The following PI4KA variants were observed in gnomAD, a reference collection of about 807,000 sequenced individuals.
PI4KA encodes phosphatidylinositol 4-kinase alpha.
Under a neutral mutation model 271.4 loss-of-function variants are expected in PI4KA, and 122 were observed. The observed-to-expected ratio is 0.45, with a 90% CI of 0.39 to 0.52. PI4KA has a LOEUF of 0.52. Ranked by LOEUF, PI4KA falls within the 20% of genes least tolerant of loss-of-function variation. The probability of loss-of-function intolerance (pLI) is 0.00; values close to 1 mark genes in which losing one functional copy is unlikely to be tolerated. For synonymous variants in PI4KA, 1,041 were observed against 1,078.8 expected (o/e 0.96, Z 0.69); for missense variants, 1,969 against 2,769.1 (o/e 0.71, Z 6.48).
intron 9 of PI4KA, among the ~76,000 whole-genome samples, chr22:20,807,731 G>A (rs1010955594): frequency 3.9e-5 from 6 of 152,268 alleles, no homozygotes; most frequent in African/African-American, 9.6e-5. Context: ...TGTGGCTGAA[G>A]CTCACCATCT....
Position 20,805,032 on chromosome 22 carries a change from G to C in PI4KA, c.1302C>G (p.Arg434=). Residue 434 remains arginine, a synonymous_variant, in exon 11 of 55, where the codon CGC becomes CGG. Coordinates refer to ENST00000255882, the MANE Select transcript of PI4KA (RefSeq NM_058004.4). ...IHNELSPLKL[R]CQANAACVDL... ...CCACACAGGCAGCATTCGCCTGACAGCGCAGTTTGAGGGGGCTCAGCTCAT... is the reference window on the plus strand; with the variant it reads ...CCACACAGGCAGCATTCGCCTGACACCGCAGTTTGAGGGGGCTCAGCTCAT... 1 of 1,614,176 alleles carries C rather than the reference G, an allele frequency of 6.2e-7. No homozygotes were observed. Among genetic ancestry groups the C allele is most frequent in the Non-Finnish European group, 8.5e-7 (1 of 1,180,000 alleles).
At chr22:20,795,699 A>G (rs1934940146) in intron 18 of PI4KA, among the ~76,000 whole-genome samples, 1 of 152,184 alleles carries the variant, frequency 6.6e-6, no homozygotes, top group South Asian at 2.1e-4. Flanking sequence ...GATTCAAGAC[A>G]TGACGTTTAT....
At chr22:20,719,262 T>TA (rs1475656295) in intron 43 of PI4KA, among the ~76,000 whole-genome samples, 1 of 151,982 alleles carries the variant, frequency 6.6e-6, no homozygotes, top group East Asian at 1.9e-4. Flanking sequence ...TTTTTTTTAA[T>TA]AGAGGCACAC....
intron 32 of PI4KA, among the ~76,000 whole-genome samples, chr22:20,735,364 G>A (rs1928586163): frequency 6.7e-6 from 1 of 150,108 alleles, no homozygotes; most frequent in Non-Finnish European, 1.5e-5. Flanking sequence ...CCTGTGCAGA[G>A]GTGGCAACGA....
intron 22 of PI4KA, 110 bp downstream of exon 22, chr22:20,764,707 T>C (rs867656449): frequency 5.0e-6 from 6 of 1,209,212 alleles, no homozygotes; most frequent in Middle Eastern, 4.1e-4. Flanking sequence ...TTCAGAAAGT[T>C]TGCATGTCTT....
chr22:20,828,720 A>C (rs779955746), intron 3 of PI4KA, among the ~76,000 whole-genome samples: 8 of 151,338 alleles, frequency 5.3e-5, no homozygotes, highest in Non-Finnish European at 7.4e-5. Flanking sequence ...ATGCCTGGCT[A>C]ATTTTTTGTA....
intron 1 of PI4KA, among the ~76,000 whole-genome samples, chr22:20,843,853 T>C (rs1489613516): frequency 6.6e-6 from 1 of 152,194 alleles, no homozygotes; most frequent in African/African-American, 2.4e-5. Flanking sequence ...CATTGCCCAA[T>C]GAACACTCAG....
intron 7 of PI4KA, among the ~76,000 whole-genome samples, chr22:20,818,239 A>G (rs1432711007): frequency 1.3e-5 from 2 of 152,220 alleles, no homozygotes; most frequent in African/African-American, 4.8e-5. Flanking sequence ...TATTTTCTGT[A>G]CTTTTCTCTC....
chr22:20,832,556 C>T (rs1408565158), intron 3 of PI4KA, among the ~76,000 whole-genome samples: 3 of 152,130 alleles, frequency 2.0e-5, no homozygotes, highest in Admixed American at 1.3e-4. Context: ...CAGGTTCAAG[C>T]GATTCTCCTG....
intron 19 of PI4KA, 28 bp from the exon 20 acceptor site, chr22:20,765,721 G>A (rs558938309): frequency 1.3e-6 from 2 of 1,481,856 alleles, no homozygotes; most frequent in Admixed American, 1.7e-5. Context: ...GAGGGAGAAA[G>A]GAGGTTATTT....
intron 1 of PI4KA, among the ~76,000 whole-genome samples, chr22:20,840,765 CA>C (rs1925446802): frequency 6.6e-6 from 1 of 151,860 alleles, no homozygotes; most frequent in Non-Finnish European, 1.5e-5. Flanking sequence ...CCTGTAATCC[CA>C]GCACTTTGGA....
intron 2 of PI4KA, among the ~76,000 whole-genome samples, chr22:20,835,847 G>A (rs1026037384): frequency 3.9e-5 from 6 of 152,080 alleles, no homozygotes; most frequent in African/African-American, 1.4e-4. Context: ...AGGAGATCGA[G>A]ACCATCCTGG....
intron 22 of PI4KA, among the ~76,000 whole-genome samples, 196 bp from the exon 23 acceptor site, chr22:20,761,582 C>A (rs1931978112): frequency 6.6e-6 from 1 of 152,144 alleles, no homozygotes; most frequent in South Asian, 2.1e-4. Flanking sequence ...ACTCCAGCAG[C>A]CCCACCATTA....
At chr22:20,845,314 A>T (rs1296797359) in intron 1 of PI4KA, among the ~76,000 whole-genome samples, 2 of 152,222 alleles carry the variant, frequency 1.3e-5, no homozygotes, top group African/African-American at 4.8e-5. Flanking sequence ...AATCAACCAT[A>T]ACAGAGGGTA....
rs1935354141 is a variant in PI4KA at position 20,801,890 on chromosome 22, A to C, written c.1724+83T>G. 4.8e-6 allele frequency: 7 copies of C among 1,460,612 alleles called. No individual in the cohort carries two copies. In the South Asian group the frequency reaches 7.2e-5, roughly 15 times the overall value. 90.5% of individuals were successfully genotyped at this position (1,460,612 alleles called of 1,614,324 possible). On this transcript the variant is annotated intron_variant, in intron 14 of 54. Transcript: ENST00000255882. ...AACAGAGCGAGACTCAATCTCAAAA[A>C]AGAAGTATAAATGTCTCTTATTTTG...
chr22:20,758,459 CTTTTTT>C (rs35401829), intron 23 of PI4KA, among the ~76,000 whole-genome samples: 1 of 85,036 alleles, frequency 1.2e-5, no homozygotes, highest in Non-Finnish European at 2.2e-5. Context: ...TCTTTCTTTT[CTTTTTT>C]TTTTTTTTTT....
At chr22:20,717,998 C>G (rs1227790374) in intron 44 of PI4KA, among the ~76,000 whole-genome samples, 3 of 152,136 alleles carry the variant, frequency 2.0e-5, no homozygotes, top group South Asian at 2.1e-4. Flanking sequence ...GCAGGCTCTG[C>G]CCCTGCTGTG....
At chr22:20,793,630 A>G (rs1034918091) in intron 18 of PI4KA, among the ~76,000 whole-genome samples, 5 of 152,250 alleles carry the variant, frequency 3.3e-5, no homozygotes, top group Non-Finnish European at 7.3e-5. Context: ...ATTATGTAAT[A>G]AATACATATG....
At chr22:20,858,276 G>C (rs1307686476) in intron 1 of PI4KA, among the ~76,000 whole-genome samples, 3 of 152,112 alleles carry the variant, frequency 2.0e-5, no homozygotes. Context: ...CCTCCGCGAT[G>C]TCACAAGATG....
Sources: allele counts gnomAD v4.1 joint callset (sites outside exome capture counted in the v4.1 genomes callset), GRCh38; gene constraint gnomAD v4.1.1; transcripts MANE v1.5; gene names NCBI Gene and HGNC (gene_info 2026-07-23, HGNC 2026-07-21).